Variants in IL1RAPL1 observed in about 807,000 individuals in gnomAD.
IL1RAPL1 encodes the protein interleukin-1 receptor accessory protein-like 1.
In IL1RAPL1, 3 loss-of-function variants were observed where a neutral mutation model predicts 48.4. The observed-to-expected ratio is 0.06, with a 90% CI of 0.03 to 0.16. IL1RAPL1 has a LOEUF of 0.16. Among genes scored for constraint, IL1RAPL1 ranks in the 10% least tolerant of loss-of-function variants. The pLI is 1.00. For missense variants in IL1RAPL1, 349 were observed against 530.6 expected, an observed-to-expected ratio of 0.66 and a Z score of 3.36; for synonymous variants, 185 against 187.7, an observed-to-expected ratio of 0.99 and a Z score of 0.12.
chrX:28,648,766 A>G (rs1362793401), intron 1 of IL1RAPL1, among the ~76,000 whole-genome samples: 1 of 112,199 alleles, frequency 8.9e-6, no homozygotes, highest in Admixed American at 9.5e-5. Context: ...TGTTGATTCT[A>G]TTGAAAAGTT....
At chrX:29,139,795 T>C (rs1259595842) in intron 2 of IL1RAPL1, among the ~76,000 whole-genome samples, 1 of 111,188 alleles carries the variant, frequency 9.0e-6, no homozygotes, top group African/African-American at 3.3e-5. Context: ...AATAATATAA[T>C]TTACCCTACC....
chrX:29,156,458 C>G, intron 2 of IL1RAPL1, among the ~76,000 whole-genome samples: 1 of 112,022 alleles, frequency 8.9e-6, no homozygotes, highest in Non-Finnish European at 1.9e-5. Flanking sequence ...GTCCTTCCTC[C>G]TTGAGAATAG....
chrX:29,831,501 A>G (rs1434106475), intron 6 of IL1RAPL1, among the ~76,000 whole-genome samples: 1 of 111,988 alleles, frequency 8.9e-6, no homozygotes, highest in East Asian at 2.8e-4. Context: ...TAATATGAGG[A>G]TCATGAGAAA....
At chrX:28,939,716 T>G (rs950313432) in intron 2 of IL1RAPL1, among the ~76,000 whole-genome samples, 3 of 111,695 alleles carry the variant, frequency 2.7e-5, no homozygotes, top group African/African-American at 9.7e-5. Context: ...ATGTAATCTT[T>G]TCTCTCATGT....
At chrX:29,079,778 A>G (rs1927760378) in intron 2 of IL1RAPL1, among the ~76,000 whole-genome samples, 1 of 111,224 alleles carries the variant, frequency 9.0e-6, no homozygotes, top group African/African-American at 3.3e-5. Context: ...GCAGTCGGTA[A>G]AAGTTCCAAG....
intron 5 of IL1RAPL1, among the ~76,000 whole-genome samples, chrX:29,399,602 C>CTA (rs2147688581): frequency 9.0e-6 from 1 of 111,120 alleles, no homozygotes; most frequent in Admixed American, 9.6e-5. Context: ...GGGCGAATCA[C>CTA]GAGGTCAGGG....
intron 2 of IL1RAPL1, among the ~76,000 whole-genome samples, chrX:29,046,032 TCTCCTCCTC>T (rs201916310): frequency 1.2e-5 from 1 of 85,985 alleles, no homozygotes; most frequent in African/African-American, 4.4e-5. Flanking sequence ...TTCCTCTTCT[TCTCCTCCTC>T]CTCCTCCTCC....
intron 2 of IL1RAPL1, among the ~76,000 whole-genome samples, chrX:28,948,492 T>C (rs1004811588): frequency 9.0e-6 from 1 of 110,870 alleles, no homozygotes; most frequent in Non-Finnish European, 1.9e-5. Context: ...TATGATGGAA[T>C]TGAATTCCCG....
intron 2 of IL1RAPL1, among the ~76,000 whole-genome samples, chrX:29,032,591 C>T (rs750592186): frequency 8.9e-5 from 10 of 112,405 alleles, no homozygotes; most frequent in African/African-American, 2.3e-4. Flanking sequence ...TCTTTCTCTG[C>T]GATTCTTCAT....
At chrX:28,867,527 C>G (rs1214316183) in intron 2 of IL1RAPL1, among the ~76,000 whole-genome samples, 2 of 111,919 alleles carry the variant, frequency 1.8e-5, no homozygotes, top group African/African-American at 6.5e-5. Flanking sequence ...GTTTAGGAGT[C>G]TCTTCTTCTT....
chrX:29,936,009 A>C (rs1487864296), intron 8 of IL1RAPL1, among the ~76,000 whole-genome samples: 1 of 111,368 alleles, frequency 9.0e-6, no homozygotes, highest in Non-Finnish European at 1.9e-5. Context: ...TGCAAGATCA[A>C]AACTGTTATT....
In IL1RAPL1 at chrX:28,608,323, C is replaced by T. The variant is rs1272012037; in HGVS notation, c.-25+20276C>T. On this transcript the variant is annotated intron_variant, in intron 1 of 10. Coordinates refer to ENST00000378993, the MANE Select transcript of IL1RAPL1 (RefSeq NM_014271.4). ...TGGTAGCAGCCAGTGATGCAATGTA[C>T]ACATTGAAAGTGCCATAAATTTAGA... Among the ~76,000 whole-genome samples the T allele has an allele frequency of 2.7e-5, 3 of 111,647 alleles. No homozygotes were observed. The Admixed American group carries it at 2.9e-4, about 11-fold the overall frequency.
chrX:29,137,237 A>G (rs895659586), intron 2 of IL1RAPL1, among the ~76,000 whole-genome samples: 24 of 88,476 alleles, frequency 2.7e-4, no homozygotes, highest in Non-Finnish European at 4.5e-4. Context: ...TGTTTAAAAA[A>G]TTACACACAC....
chrX:28,961,412 A>G (rs1473884050), intron 2 of IL1RAPL1, among the ~76,000 whole-genome samples: 1 of 111,081 alleles, frequency 9.0e-6, no homozygotes, highest in African/African-American at 3.3e-5. Flanking sequence ...TACACGTGCC[A>G]TGGTGGTTTG....
intron 6 of IL1RAPL1, among the ~76,000 whole-genome samples, chrX:29,726,142 A>C (rs5928191): frequency 0.054 from 6,052 of 112,381 alleles, 180 homozygotes; most frequent in Non-Finnish European, 0.087. Flanking sequence ...TCCAGAAATA[A>C]AAAATTTAGA....
At chrX:29,803,964 T>C (rs1439773622) in intron 6 of IL1RAPL1, among the ~76,000 whole-genome samples, 4 of 111,244 alleles carry the variant, frequency 3.6e-5, no homozygotes, top group African/African-American at 1.3e-4. Flanking sequence ...TACTTTAATA[T>C]GCTTGATTAT....
chrX:28,795,732 G>C (rs1936603600), intron 2 of IL1RAPL1, among the ~76,000 whole-genome samples: 1 of 110,273 alleles, frequency 9.1e-6, no homozygotes, highest in East Asian at 2.8e-4. Flanking sequence ...AATATTCAAA[G>C]TATCATAAGT....
chrX:29,260,896 AAAAAT>A (rs1184386305), intron 2 of IL1RAPL1, among the ~76,000 whole-genome samples: 2 of 107,963 alleles, frequency 1.9e-5, no homozygotes, highest in African/African-American at 6.7e-5. Flanking sequence ...TATAGACAGT[AAAAAT>A]AATATAGTAA....
chrX:28,607,359 C>G (rs1160314594), intron 1 of IL1RAPL1, among the ~76,000 whole-genome samples: 1 of 111,005 alleles, frequency 9.0e-6, no homozygotes, highest in Non-Finnish European at 1.9e-5. Flanking sequence ...GATATAGATT[C>G]TAGAATTCAC....
Sources: gnomAD v4.1 joint callset for allele counts (sites outside exome capture counted in the v4.1 genomes callset) on GRCh38, gnomAD v4.1.1 for gene constraint, MANE v1.5 for transcripts, NCBI Gene and HGNC (gene_info 2026-07-23, HGNC 2026-07-21) for gene names.